RBFOX3: variants seen among roughly 807,000 people sequenced by gnomAD.
RBFOX3 encodes RNA binding protein fox-1 homolog 3.
Under a neutral mutation model 48.7 loss-of-function variants are expected in RBFOX3, and 17 were observed. That is an observed-to-expected ratio of 0.35 (90% CI 0.24 to 0.52). The LOEUF (loss-of-function observed/expected upper bound fraction) is 0.52, where lower values mean the gene tolerates loss of function less well. RBFOX3 is among the 20% of genes least tolerant of loss of function. The probability of loss-of-function intolerance (pLI) is 0.94; values close to 1 mark genes in which losing one functional copy is unlikely to be tolerated. For synonymous variants in RBFOX3, 212 were observed against 209.5 expected, an observed-to-expected ratio of 1.01 and a Z score of -0.10; for missense variants, 382 against 497.5, an observed-to-expected ratio of 0.77 and a Z score of 2.21.
chr17:79,125,621 G>A (rs1457279968), intron 4 of RBFOX3, among the ~76,000 whole-genome samples: 1 of 152,220 alleles, frequency 6.6e-6, no homozygotes, highest in Non-Finnish European at 1.5e-5. Flanking sequence ...CCTCCCGCAC[G>A]GCCTGGCCGC....
rs1169669649 is a variant in RBFOX3, at chr17:79,363,141, TG to T, written c.-174-55318del. On this transcript the variant is annotated intron_variant, in intron 2 of 14. Transcript: ENST00000693108. The surrounding 1 kb of genome is among the most constrained non-coding windows in gnomAD (Gnocchi z 4.7). ...AGGCACGTGGCTCCTGCAGGGGAGA[TG>T]GAGGGGAGGCACATGACTCCTGTGT... 6.6e-6 allele frequency among the ~76,000 whole-genome samples: 1 copy of T among 151,900 alleles called. No individual in the cohort carries two copies. Among genetic ancestry groups the T allele is most frequent in the African/African-American group, 2.4e-5 (1 of 41,360 alleles).
chr17:79,623,391 T>C, the RBFOX3 span, among the ~76,000 whole-genome samples: 725 of 152,320 alleles, frequency 4.8e-3, 8 homozygotes, highest in East Asian at 0.024. Flanking sequence ...AACCTGTGAC[T>C]ATCTTAGGTT....
chr17:79,320,047 T>G (rs1160773138), intron 2 of RBFOX3, among the ~76,000 whole-genome samples: 1 of 150,780 alleles, frequency 6.6e-6, no homozygotes, highest in Non-Finnish European at 1.5e-5. Flanking sequence ...GTCTGGGCTG[T>G]TGGTCTTGTC....
At chr17:79,121,703 T>C (rs1406282518) in intron 4 of RBFOX3, among the ~76,000 whole-genome samples, 1 of 152,172 alleles carries the variant, frequency 6.6e-6, no homozygotes, top group East Asian at 1.9e-4. Context: ...GTTGGTTCTA[T>C]TTTACTGGAA....
At chr17:79,382,175 C>T (rs1455598335) in intron 2 of RBFOX3, among the ~76,000 whole-genome samples, 1 of 152,204 alleles carries the variant, frequency 6.6e-6, no homozygotes, top group Non-Finnish European at 1.5e-5. Context: ...CTCTGGGGCT[C>T]TTGTGCCACC....
At chr17:79,209,040 C>T (rs1232572440) in intron 4 of RBFOX3, among the ~76,000 whole-genome samples, 15 of 151,968 alleles carry the variant, frequency 9.9e-5, no homozygotes, top group Non-Finnish European at 4.4e-5. Flanking sequence ...AGGATGGTCT[C>T]GATCTCCTGA....
At chr17:79,662,909 G>A in the RBFOX3 span, among the ~76,000 whole-genome samples, 7 of 152,150 alleles carry the variant, frequency 4.6e-5, no homozygotes, top group African/African-American at 1.2e-4. Flanking sequence ...TCTTCTCCCC[G>A]CTCCAGACCT....
At chr17:79,456,808 G>A (rs2074578631) in intron 2 of RBFOX3, among the ~76,000 whole-genome samples, 2 of 151,986 alleles carry the variant, frequency 1.3e-5, no homozygotes, top group African/African-American at 2.4e-5. Flanking sequence ...AAGCTCGAGA[G>A]GTCTGGGCAC....
intron 2 of RBFOX3, among the ~76,000 whole-genome samples, chr17:79,437,949 C>T (rs1334561651): frequency 6.6e-6 from 1 of 152,196 alleles, no homozygotes; most frequent in Non-Finnish European, 1.5e-5. Flanking sequence ...CAGATACATG[C>T]ATGCACAGAG....
chr17:79,508,686 C>T (rs887248441), intron 1 of RBFOX3: 28 of 152,380 alleles, frequency 1.8e-4, no homozygotes, highest in African/African-American at 6.0e-4. Context: ...ACAGCCCCCT[C>T]GCTGGGAGAT....
the RBFOX3 span, among the ~76,000 whole-genome samples, chr17:79,620,529 GCGCACATGCACACA>G: frequency 5.2e-5 from 7 of 133,570 alleles, no homozygotes; most frequent in Non-Finnish European, 7.8e-5. Flanking sequence ...ACATGCATAC[GCGCACATGCACACA>G]CGCATGCACA....
chr17:79,581,371 T>G (rs917124461), intron 1 of RBFOX3, among the ~76,000 whole-genome samples: 2 of 152,196 alleles, frequency 1.3e-5, no homozygotes, highest in African/African-American at 2.4e-5. Flanking sequence ...CGGGCTCAAG[T>G]GGATCTGACC....
At chr17:79,293,081 A>T (rs1206859936) in intron 3 of RBFOX3, among the ~76,000 whole-genome samples, 2 of 152,156 alleles carry the variant, frequency 1.3e-5, no homozygotes, top group Non-Finnish European at 2.9e-5. Context: ...GTAATGCCTC[A>T]TATGTATATT....
chr17:79,285,762 C>CA lies in RBFOX3; in HGVS notation c.-74+21961dup, dbSNP rs1331308537. 2.9e-3 allele frequency among the ~76,000 whole-genome samples: 437 copies of CA among 152,336 alleles called. 2 individuals carry two copies. Among genetic ancestry groups the CA allele is most frequent in the African/African-American group, 0.01 (418 of 41,568 alleles). On this transcript the variant is annotated intron_variant, in intron 3 of 14. Transcript: ENST00000693108. ...GCAATGGTGCGATCTCAGCTCATTG[C>CA]AACCTCCGCCTCCTGAGTTCAAGTG...
At chr17:79,538,895 G>A (rs541662544) in intron 1 of RBFOX3, among the ~76,000 whole-genome samples, 1 of 152,120 alleles carries the variant, frequency 6.6e-6, no homozygotes, top group East Asian at 1.9e-4. Context: ...AAATTAATAA[G>A]AAAACCACCC....
At chr17:79,449,831 G>A (rs528558846) in intron 2 of RBFOX3, among the ~76,000 whole-genome samples, 1 of 152,296 alleles carries the variant, frequency 6.6e-6, no homozygotes, top group African/African-American at 2.4e-5. Context: ...TTAAAGTCAC[G>A]ATGGGCACAC....
chr17:79,651,625 CCTCTCT>C, the RBFOX3 span, among the ~76,000 whole-genome samples: 1 of 97,694 alleles, frequency 1.0e-5, no homozygotes. Context: ...TGCCCCCTTT[CCTCTCT>C]CTCTCTCTCT....
intron 1 of RBFOX3, among the ~76,000 whole-genome samples, chr17:79,547,305 G>A (rs1274937508): frequency 6.6e-6 from 1 of 151,818 alleles, no homozygotes; most frequent in African/African-American, 2.4e-5. Context: ...AAATTAGCCA[G>A]GCGTGGTGGC....
At chr17:79,159,864 T>C (rs1024165488) in intron 4 of RBFOX3, among the ~76,000 whole-genome samples, 23 of 152,148 alleles carry the variant, frequency 1.5e-4, no homozygotes, top group Non-Finnish European at 2.1e-4. Context: ...ACCTCCCTCA[T>C]AGGATGAGCT....
Sources: gnomAD v4.1 joint callset for allele counts (sites outside exome capture counted in the v4.1 genomes callset) on GRCh38, gnomAD v4.1.1 for gene constraint, Gnocchi (gnomAD v3.1) non-coding constraint, MANE v1.5 for transcripts, NCBI Gene and HGNC (gene_info 2026-07-23, HGNC 2026-07-21) for gene names.